Variants in UBE2S observed in about 807,000 individuals in gnomAD.
UBE2S encodes the protein ubiquitin-conjugating enzyme E2 S.
A neutral mutation model predicts 12.3 loss-of-function variants in UBE2S; 3 were observed. That is an observed-to-expected ratio of 0.24 (90% confidence interval 0.11 to 0.63). UBE2S has a LOEUF of 0.63. UBE2S is among the 30% of genes least tolerant of loss of function. The pLI is 0.85. For synonymous variants in UBE2S, 133 were observed against 142.0 expected (o/e 0.94, Z 0.45); for missense variants, 211 against 313.9 (o/e 0.67, Z 2.48).
At chr19:55,406,660 T>G (rs557160648) in intron 2 of UBE2S, among the ~76,000 whole-genome samples, 155 bp downstream of exon 2, 4 of 152,220 alleles carry the variant, frequency 2.6e-5, no homozygotes, top group Non-Finnish European at 5.9e-5. Context: ...AAAGAGTACA[T>G]AATTGTCATT....
chr19:55,407,415 C>T (rs769509272), intron 1 of UBE2S, among the ~76,000 whole-genome samples, 172 bp downstream of exon 1: 48 of 152,138 alleles, frequency 3.2e-4, no homozygotes, highest in Non-Finnish European at 5.9e-4. Context: ...GACTGCGGGC[C>T]GCCCGAGCTC....
chr19:55,407,273 C>A (rs969172442), intron 1 of UBE2S, among the ~76,000 whole-genome samples: 5 of 151,760 alleles, frequency 3.3e-5, no homozygotes, highest in African/African-American at 9.7e-5. Flanking sequence ...CTCTCTCCCC[C>A]TTCTCCACTA....
At position 55,400,671 on chromosome 19, in the gene UBE2S, C is replaced by G. The variant is rs1474007742; in HGVS notation, c.*765G>C. The G allele has an allele frequency of 6.6e-6, 1 of 152,274 alleles. No individual in the cohort carries two copies. Among genetic ancestry groups the G allele is most frequent in the Non-Finnish European group, 1.5e-5 (1 of 68,062 alleles). 9.4% of individuals were successfully genotyped at this position (152,274 alleles called of 1,614,324 possible). On this transcript the variant is annotated 3_prime_UTR_variant, in exon 4 of 4. Transcript: ENST00000264552. ...GAGGACCCAGACTAAGGAACACCAA[C>G]AACCAATACCTCAATTTTAGCCTGC... is the stretch of plus-strand genomic sequence containing the variant.
rs1053149180 is a variant in UBE2S, at chr19:55,407,753, C to T, written c.-164G>A. 1.1e-5 allele frequency: 5 copies of T among 442,312 alleles called. No individual in the cohort carries two copies. The highest frequency in any genetic ancestry group is 8.2e-5 in the African/African-American group (4 of 48,532). 27.4% of individuals were successfully genotyped at this position (442,312 alleles called of 1,614,324 possible). ...CGACGTCCGCCGCGCACAGCGTAGA[C>T]CAACCCGCCGCCCCGGTGCCCGGCA... On this transcript the variant is annotated 5_prime_UTR_variant, in exon 1 of 4. Transcript: ENST00000264552.
rs2090082726 is a variant in UBE2S at position 55,404,332 on chromosome 19, T to C, written c.298A>G (p.Lys100Glu). The C allele has an allele frequency of 1.9e-6, 3 of 1,613,610 alleles. No homozygotes were observed. The highest frequency in any genetic ancestry group is 2.2e-5 in the South Asian group (2 of 91,064). ...CCCAGCTCAGCCGTCCAGTCCCTCTTGAGCACGTTGACGCAGATCTCGCCA... is the reference window on the plus strand; with the variant it reads ...CCCAGCTCAGCCGTCCAGTCCCTCTCGAGCACGTTGACGCAGATCTCGCCA... Reference protein sequence around the residue: ...ANGEICVNVLKRDWTAELGIR... With the variant: ...ANGEICVNVLERDWTAELGIR... Residue 100 changes from lysine (K) to glutamate (E), a missense_variant, in exon 3 of 4, where the codon AAG becomes GAG. Around this residue, in one of 2 missense-constraint regions of UBE2S, gnomAD observed 127 missense variants for 224.0 expected, o/e 0.57. Transcript: ENST00000264552. The surrounding 1 kb of genome is among the most constrained non-coding windows in gnomAD (Gnocchi z 4.4).
At chr19:55,406,648 G>A (rs2123316901) in intron 2 of UBE2S, among the ~76,000 whole-genome samples, 167 bp downstream of exon 2, 1 of 152,322 alleles carries the variant, frequency 6.6e-6, no homozygotes, top group African/African-American at 2.4e-5. Context: ...ACCCTTGTGG[G>A]AAAAGAGTAC....
chr19:55,406,688 TCCA>T (rs2090098078), intron 2 of UBE2S, 124 bp downstream of exon 2: 2 of 1,216,886 alleles, frequency 1.6e-6, no homozygotes, highest in African/African-American at 3.0e-5. Context: ...TCCTGCCCTG[TCCA>T]CCAATGCATC....
At position 55,407,771 on chromosome 19, in the gene UBE2S, G is replaced by C. The variant is rs1333819005; in HGVS notation, c.-182C>G. On this transcript the variant is annotated 5_prime_UTR_variant, in exon 1 of 4. Coordinates refer to ENST00000264552, the MANE Select transcript of UBE2S (RefSeq NM_014501.3). ...GCGTAGACCAACCCGCCGCCCCGGTGCCCGGCAGCACTGAGCCGGCCGCGC... is the reference window on the plus strand; with the variant it reads ...GCGTAGACCAACCCGCCGCCCCGGTCCCCGGCAGCACTGAGCCGGCCGCGC... The C allele has an allele frequency of 5.2e-6, 2 of 383,048 alleles. No individual in the cohort carries two copies. The highest frequency in any genetic ancestry group is 4.2e-5 in the African/African-American group (2 of 47,184). The allele number at this position is 383,048 out of a possible 1,614,324, so 23.7% of individuals were successfully genotyped here. A position where few individuals can be genotyped will look rare whatever the true frequency, so the allele number is the denominator to read the frequency against.
rs142163329 is a variant in UBE2S at position 55,400,517 on chromosome 19, T to C, written c.*919A>G. 2 of 152,282 alleles carry C rather than the reference T, an allele frequency of 1.3e-5. No individual in the cohort carries two copies. Among genetic ancestry groups the C allele is most frequent in the Non-Finnish European group, 1.5e-5 (1 of 68,024 alleles). The allele number at this position is 152,282 out of a possible 1,614,324, so 9.4% of individuals were successfully genotyped here. The stretch of plus-strand genomic sequence containing the variant: ...AAGTATCTGGATGGGCCTGACCTAA[T>C]CCGGTGAGCACCTCAAAGGGAATGG... On this transcript the variant is annotated 3_prime_UTR_variant, in exon 4 of 4. Transcript: ENST00000264552.
chr19:55,403,664 G>A (rs2090077654), intron 3 of UBE2S, among the ~76,000 whole-genome samples: 1 of 151,814 alleles, frequency 6.6e-6, no homozygotes, highest in Non-Finnish European at 1.5e-5. Flanking sequence ...GCCGAGGTGG[G>A]AGGATCACTT....
chr19:55,405,643 TCCC>T (rs2090092327), intron 2 of UBE2S, among the ~76,000 whole-genome samples: 1 of 151,992 alleles, frequency 6.6e-6, no homozygotes. Context: ...CCCTCCTGGA[TCCC>T]CCGTCTCAGC....
chr19:55,403,285 T>C (rs1465997750), intron 3 of UBE2S: 1 of 570,952 alleles, frequency 1.8e-6, no homozygotes, highest in Non-Finnish European at 3.1e-6. Flanking sequence ...AGCTCAGCTT[T>C]AGCAAAAAAG....
intron 1 of UBE2S, 135 bp downstream of exon 1, chr19:55,407,452 G>A: frequency 1.0e-6 from 1 of 1,000,110 alleles, no homozygotes; most frequent in Non-Finnish European, 1.4e-6. Flanking sequence ...AAGGCCCTCG[G>A]GCCCATCCCG....
intron 2 of UBE2S, 78 bp downstream of exon 2, chr19:55,406,737 C>A: frequency 6.6e-7 from 1 of 1,523,992 alleles, no homozygotes; most frequent in Non-Finnish European, 8.8e-7. Flanking sequence ...GTAATGGGTA[C>A]TTCCCGCTAG....
In UBE2S at chr19:55,407,633, C is replaced by T; in HGVS notation, c.-44G>A. 1.5e-6 allele frequency: 2 copies of T among 1,331,748 alleles called. No homozygotes were observed. Among genetic ancestry groups the T allele is most frequent in the Non-Finnish European group, 1.9e-6 (2 of 1,040,658 alleles). 82.5% of individuals were successfully genotyped at this position (1,331,748 alleles called of 1,614,324 possible). On this transcript the variant is annotated 5_prime_UTR_variant, in exon 1 of 4. Coordinates refer to ENST00000264552, the MANE Select transcript of UBE2S (RefSeq NM_014501.3). ...GCGGGTCCCCCCGGCCCCCTTCCTG[C>T]GTTCTTCGGTCCGCCGGCCGGGGCG...
chr19:55,401,586 A>C lies in UBE2S; in HGVS notation c.519T>G (p.Ser173Arg). The change falls in exon 4 of 4, where the codon AGT (serine) becomes AGG (arginine). Residue 173 changes from serine (S) to arginine (R), a missense_variant. Ser to Arg is a moderately radical substitution (Grantham distance 110). Coordinates refer to ENST00000264552, the MANE Select transcript of UBE2S (RefSeq NM_014501.3). ...GGTCGGTGGAGGAAGCTTCAGTGCC[A>C]CTGGCCAGGGCCCGACCGGCTTCGG... ...GRAEAGRALASGTEASSTDPG... is the reference protein window; with the variant it reads ...GRAEAGRALARGTEASSTDPG... 6.2e-7 allele frequency: 1 copy of C among 1,609,200 alleles called. No individual in the cohort carries two copies. Among genetic ancestry groups the C allele is most frequent in the Non-Finnish European group, 8.5e-7 (1 of 1,178,914 alleles).
At chr19:55,402,691 C>A (rs1430134761) in intron 3 of UBE2S, among the ~76,000 whole-genome samples, 7 of 152,222 alleles carry the variant, frequency 4.6e-5, no homozygotes, top group Non-Finnish European at 1.5e-5. Flanking sequence ...TTCTTGCTGG[C>A]TGAGCCCCTG....
intron 2 of UBE2S, among the ~76,000 whole-genome samples, 175 bp downstream of exon 2, chr19:55,406,640 C>A (rs1361519802): frequency 6.6e-6 from 1 of 152,230 alleles, no homozygotes; most frequent in Non-Finnish European, 1.5e-5. Context: ...ATTTCTCAAC[C>A]CTTGTGGGAA....
chr19:55,402,815 G>A (rs1435422472), intron 3 of UBE2S: 6 of 741,888 alleles, frequency 8.1e-6, no homozygotes, highest in African/African-American at 1.8e-5. Flanking sequence ...GGAGGGAAGG[G>A]TTTGGGGTCT....
Sources: gnomAD v4.1 joint callset for allele counts (sites outside exome capture counted in the v4.1 genomes callset) on GRCh38, gnomAD v4.1.1 for gene constraint, gnomAD v4.1.1 regional missense constraint, Gnocchi (gnomAD v3.1) non-coding constraint, MANE v1.5 for transcripts, NCBI Gene and HGNC (gene_info 2026-07-23, HGNC 2026-07-21) for gene names.